Variants in CDH18 observed in about 807,000 individuals in gnomAD.
CDH18 encodes cadherin-18.
CDH18 carries 31 observed loss-of-function variants against 67.9 expected under a neutral mutation model. The observed-to-expected ratio is 0.46, with a 90% CI of 0.34 to 0.62. The LOEUF is 0.62. CDH18 is among the 20% of genes least tolerant of loss of function. The pLI is 0.01. For synonymous variants in CDH18, 362 were observed against 347.2 expected (o/e 1.04, Z -0.48); for missense variants, 890 against 975.5 (o/e 0.91, Z 1.17).
At chr5:20,281,887 A>C (rs1459328507) in intron 1 of CDH18, among the ~76,000 whole-genome samples, 1 of 151,938 alleles carries the variant, frequency 6.6e-6, no homozygotes, top group Non-Finnish European at 1.5e-5. Flanking sequence ...CTTTTATTTC[A>C]TTGAGCAGTG....
At chr5:19,583,108 C>A (rs114084344) in intron 7 of CDH18, among the ~76,000 whole-genome samples, 3 of 151,874 alleles carry the variant, frequency 2.0e-5, no homozygotes, top group African/African-American at 4.8e-5. Context: ...TAAAAATACA[C>A]AGTACTTGGT....
intron 2 of CDH18, among the ~76,000 whole-genome samples, chr5:20,205,655 C>T (rs910362258): frequency 6.6e-6 from 1 of 151,728 alleles, no homozygotes; most frequent in African/African-American, 2.4e-5. Flanking sequence ...AACAAGAAAT[C>T]ATATAATATT....
At chr5:19,843,767 C>T (rs932312638) in intron 2 of CDH18, among the ~76,000 whole-genome samples, 1 of 152,176 alleles carries the variant, frequency 6.6e-6, no homozygotes, top group African/African-American at 2.4e-5. Context: ...TGGAGCTACC[C>T]TAGGCCATGG....
intron 2 of CDH18, among the ~76,000 whole-genome samples, chr5:20,241,905 T>TATATATATATACATGTATATATATATAA (rs369967608): frequency 7.1e-6 from 1 of 141,452 alleles, no homozygotes; most frequent in African/African-American, 2.8e-5. Context: ...TATATATATA[T>TATATATATATACATGTATATATATATAA]ATATTGCTTA....
Position 20,428,729 on chromosome 5 carries a change from A to C in CDH18, c.-580+146733T>G, listed in dbSNP as rs568849314. Among the ~76,000 whole-genome samples the C allele has an allele frequency of 5.3e-5, 8 of 152,252 alleles. No individual in the cohort carries two copies. In the South Asian group the frequency reaches 1.4e-3, roughly 28 times the overall value. On this transcript the variant is annotated intron_variant, in intron 1 of 14. Transcript: ENST00000507958. ...ACTTTTTTTCATATGTTTGTGACCC[A>C]ATGTGTTTTACAATAAGACGTATAT...
chr5:20,527,179 TGCTGAAATAAG>T (rs79412883), intron 1 of CDH18, among the ~76,000 whole-genome samples: 63,475 of 151,460 alleles, frequency 0.42, 14,498 homozygotes, highest in East Asian at 0.56. Flanking sequence ...AAGACCATCT[TGCTGAAATAAG>T]GCAGGCAGAC....
chr5:20,003,663 G>C (rs1736632313), intron 2 of CDH18, among the ~76,000 whole-genome samples: 1 of 152,194 alleles, frequency 6.6e-6, no homozygotes, highest in East Asian at 1.9e-4. Flanking sequence ...GGGAGGCCGA[G>C]GTGCGGATCA....
chr5:20,405,075 G>A (rs1041061423), intron 1 of CDH18, among the ~76,000 whole-genome samples: 1 of 151,866 alleles, frequency 6.6e-6, no homozygotes, highest in African/African-American at 2.4e-5. Context: ...CACAGAATTG[G>A]GAAAAAATTA....
intron 11 of CDH18, among the ~76,000 whole-genome samples, chr5:19,488,393 A>G (rs1740746797): frequency 6.6e-6 from 1 of 152,220 alleles, no homozygotes; most frequent in Non-Finnish European, 1.5e-5. Context: ...AGACCATTAA[A>G]GTAATATTTC....
intron 2 of CDH18, among the ~76,000 whole-genome samples, chr5:20,153,799 A>G (rs1751312449): frequency 6.6e-6 from 1 of 152,242 alleles, no homozygotes; most frequent in South Asian, 2.1e-4. Flanking sequence ...GTTTTATTGG[A>G]TTAAGGCTCT....
At chr5:19,487,610 C>T (rs1437230013) in intron 11 of CDH18, among the ~76,000 whole-genome samples, 2 of 152,022 alleles carry the variant, frequency 1.3e-5, no homozygotes, top group Non-Finnish European at 2.9e-5. Context: ...CCTAGTATTT[C>T]CATAAACCAT....
At chr5:20,376,175 G>A (rs1743418738) in intron 1 of CDH18, among the ~76,000 whole-genome samples, 1 of 142,814 alleles carries the variant, frequency 7.0e-6, no homozygotes, top group Admixed American at 7.5e-5. Context: ...CTCACTGCAG[G>A]CTCCGCCTCC....
chr5:19,586,286 G>A (rs1744126642), intron 7 of CDH18, among the ~76,000 whole-genome samples: 1 of 151,942 alleles, frequency 6.6e-6, no homozygotes, highest in African/African-American at 2.4e-5. Flanking sequence ...ATGGTGGTCT[G>A]CCGCACAGAT....
intron 2 of CDH18, among the ~76,000 whole-genome samples, chr5:20,152,337 T>G (rs534010524): frequency 2.1e-4 from 31 of 150,068 alleles, no homozygotes; most frequent in East Asian, 5.9e-4. Context: ...TACATTTCTT[T>G]AAGACTTTCT....
intron 5 of CDH18, among the ~76,000 whole-genome samples, chr5:19,686,414 G>C (rs1162665666): frequency 6.6e-6 from 1 of 152,140 alleles, no homozygotes; most frequent in Non-Finnish European, 1.5e-5. Context: ...CTTGTGAATT[G>C]TTAAGTAATG....
chr5:20,279,869 A>G lies in CDH18; in HGVS notation c.-579-24364T>C, dbSNP rs2126694442. 1.3e-5 allele frequency among the ~76,000 whole-genome samples: 2 copies of G among 152,214 alleles called. 1 individual carries two copies. Among genetic ancestry groups the G allele is most frequent in the East Asian group, 3.9e-4 (2 of 5,174 alleles). ...TTAGTCTGCACTATAGACTAAGTGGACCTAATATATCTTTTTACAGAGCAT... is the reference window on the plus strand; with the variant it reads ...TTAGTCTGCACTATAGACTAAGTGGGCCTAATATATCTTTTTACAGAGCAT... On this transcript the variant is annotated intron_variant, in intron 1 of 14. Transcript: ENST00000507958.
chr5:20,488,621 T>C (rs1251345122), intron 1 of CDH18, among the ~76,000 whole-genome samples: 1 of 150,818 alleles, frequency 6.6e-6, no homozygotes, highest in Admixed American at 6.6e-5. Flanking sequence ...GTTGCCTTGG[T>C]AACGATAATG....
At chr5:19,820,841 C>T (rs62355789) in intron 3 of CDH18, among the ~76,000 whole-genome samples, 13,261 of 152,180 alleles carry the variant, frequency 0.087, 591 homozygotes, top group African/African-American at 0.1. Context: ...GGAACCCATA[C>T]AGAGCCTTGG....
rs60803879 is a variant in CDH18 at position 19,741,330 on chromosome 5, T to TCACACACA, written c.523+5604_523+5611dup. On this transcript the variant is annotated intron_variant, in intron 4 of 12. Coordinates refer to ENST00000382275, the MANE Select transcript of CDH18 (RefSeq NM_004934.5). ...ATATATACATGTGTATATACATGTCTCACACACACACACACACACACACAC... is the reference window on the plus strand; with the variant it reads ...ATATATACATGTGTATATACATGTCTCACACACACACACACACACACACACACACACAC... Among the ~76,000 whole-genome samples, 405 of 145,714 alleles carry TCACACACA rather than the reference T, an allele frequency of 2.8e-3. 3 individuals are homozygous for TCACACACA. The highest frequency in any genetic ancestry group is 9.5e-3 in the African/African-American group (371 of 39,204).
Sources: allele counts gnomAD v4.1 joint callset (sites outside exome capture counted in the v4.1 genomes callset), GRCh38; gene constraint gnomAD v4.1.1; transcripts MANE v1.5; gene names NCBI Gene and HGNC (gene_info 2026-07-23, HGNC 2026-07-21).